TRIM69: variants seen among roughly 807,000 people sequenced by gnomAD.
TRIM69 encodes E3 ubiquitin-protein ligase TRIM69.
TRIM69 carries 29 observed loss-of-function variants against 37.7 expected under a neutral mutation model. The observed-to-expected ratio is 0.77, with a 90% confidence interval of 0.57 to 1.05. TRIM69 has a LOEUF of 1.05. TRIM69 is among the 50% of genes least tolerant of loss of function. The pLI is 0.00. For missense variants in TRIM69, 596 were observed against 579.9 expected (o/e 1.03, Z -0.28); for synonymous variants, 209 against 212.4 (o/e 0.98, Z 0.14).
intron 1 of TRIM69, among the ~76,000 whole-genome samples, chr15:44,739,232 A>T (rs1244583450): frequency 6.6e-6 from 1 of 152,194 alleles, no homozygotes; most frequent in Non-Finnish European, 1.5e-5. Flanking sequence ...TACTTTAAAA[A>T]CACACGGAGG....
intron 1 of TRIM69, among the ~76,000 whole-genome samples, chr15:44,752,338 A>C (rs2087552593): frequency 6.6e-6 from 1 of 152,020 alleles, no homozygotes; most frequent in Non-Finnish European, 1.5e-5. Flanking sequence ...TTCTTGATTG[A>C]TTGACCTTTA....
intron 1 of TRIM69, chr15:44,752,822 T>G (rs895816565): frequency 3.3e-5 from 5 of 152,138 alleles, no homozygotes; most frequent in African/African-American, 4.8e-5. Context: ...TTATAATTAG[T>G]CAACTTTATA....
In TRIM69 at chr15:44,754,884, C is replaced by T; in HGVS notation, c.7-16C>T. The T allele has an allele frequency of 6.4e-7, 1 of 1,555,344 alleles. No homozygotes were observed. The highest frequency in any genetic ancestry group is 1.1e-5 in the South Asian group (1 of 87,624). The stretch of plus-strand genomic sequence containing the variant: ...AACAAGAAAGATAAACTCATTTTAG[C>T]TGTTCTTTTCTAAAGGTATCCACCA... On this transcript the variant is annotated splice_polypyrimidine_tract_variant and intron_variant, in intron 1 of 6. Transcript: ENST00000329464.
Position 44,759,143 on chromosome 15 carries a change from A to G in TRIM69, c.813+289A>G, listed in dbSNP as rs574877263. On this transcript the variant is annotated intron_variant, in intron 4 of 6. Transcript: ENST00000329464. ...TTTTCCATAAAGAGCTTGATGCTTT[A>G]TTTCTCAAAAATAAAAATGTTGCAG... Among the ~76,000 whole-genome samples the G allele has an allele frequency of 1.4e-4, 21 of 152,294 alleles. No homozygotes were observed. The South Asian group carries it at 3.7e-3, about 27-fold the overall frequency.
chr15:44,763,492 T>A (rs1488476014), intron 6 of TRIM69, among the ~76,000 whole-genome samples: 1 of 152,198 alleles, frequency 6.6e-6, no homozygotes, highest in Non-Finnish European at 1.5e-5. Context: ...CTTCTATACT[T>A]GTATACTTTG....
chr15:44,758,422 G>C, intron 3 of TRIM69, 199 bp from the exon 4 acceptor site: 6 of 801,336 alleles, frequency 7.5e-6, no homozygotes, highest in Non-Finnish European at 1.1e-5. Context: ...ATTTCATCCT[G>C]AACTATTAAA....
intron 1 of TRIM69, among the ~76,000 whole-genome samples, chr15:44,750,224 G>A (rs186193028): frequency 1.3e-5 from 2 of 152,232 alleles, no homozygotes; most frequent in East Asian, 3.9e-4. Context: ...TGTTTTTTGT[G>A]ATGTCTTTAT....
At chr15:44,739,613 AG>A (rs1428216315) in intron 1 of TRIM69, among the ~76,000 whole-genome samples, 1 of 152,182 alleles carries the variant, frequency 6.6e-6, no homozygotes, top group African/African-American at 2.4e-5. Flanking sequence ...ACGCCCATGG[AG>A]TCTCGCTGAT....
chr15:44,744,970 G>C (rs908563527), intron 1 of TRIM69, among the ~76,000 whole-genome samples: 13 of 148,218 alleles, frequency 8.8e-5, no homozygotes, highest in Non-Finnish European at 1.5e-4. Flanking sequence ...AGAAAGAAAG[G>C]CTGGGGAAAG....
At chr15:44,739,945 C>T in intron 1 of TRIM69, among the ~76,000 whole-genome samples, 1 of 135,814 alleles carries the variant, frequency 7.4e-6, no homozygotes, top group Admixed American at 7.1e-5. Context: ...GGTCCCTGAC[C>T]CCTGACCCCC....
At position 44,755,923 on chromosome 15, in the gene TRIM69, G is replaced by A. The variant is rs139367884; in HGVS notation, c.484-445G>A. On this transcript the variant is annotated intron_variant, in intron 2 of 6. Transcript: ENST00000329464. ...AATGTTCCAAGTGAGAACAACACAA[G>A]TAAAATGATAGATGCTGAGAACAGT... Among the ~76,000 whole-genome samples the A allele has an allele frequency of 5.0e-3, 756 of 152,294 alleles. 4 individuals carry two copies. Among genetic ancestry groups the A allele is most frequent in the Middle Eastern group, 0.014 (4 of 294 alleles).
At chr15:44,742,583 T>C (rs75332794) in intron 1 of TRIM69, among the ~76,000 whole-genome samples, 438 of 18,008 alleles carry the variant, frequency 0.024, 33 homozygotes, top group Middle Eastern at 0.062. Flanking sequence ...TGTCTCAGCC[T>C]AAAATCTCCT....
Position 44,758,739 on chromosome 15 carries a change from A to G in TRIM69, c.698A>G (p.Asn233Ser). The change falls in exon 4 of 7, where the codon AAT becomes AGT. Residue 233 changes from asparagine (N) to serine (S), a missense_variant. Asn to Ser is a conservative substitution (Grantham distance 46). Coordinates refer to ENST00000329464, the MANE Select transcript of TRIM69 (RefSeq NM_182985.5). ...TELREEGKAL[N>S]EEMELNLSQL... ...CTCCGGGAAGAGGGGAAAGCCTTGA[A>G]TGAGGAGATGGAGTTGAATCTGAGC... 1 of 1,614,180 alleles carries G rather than the reference A, an allele frequency of 6.2e-7. No homozygotes were observed. The highest frequency in any genetic ancestry group is 8.5e-7 in the Non-Finnish European group (1 of 1,180,024).
At chr15:44,742,642 A>G (rs868235686) in intron 1 of TRIM69, among the ~76,000 whole-genome samples, 4,783 of 28,094 alleles carry the variant, frequency 0.17, 2,059 homozygotes, top group African/African-American at 0.31. Context: ...AAATCAATGT[A>G]CAAAAATCAC....
At chr15:44,763,239 G>A (rs1263285522) in intron 6 of TRIM69, among the ~76,000 whole-genome samples, 1 of 152,146 alleles carries the variant, frequency 6.6e-6, no homozygotes, top group Non-Finnish European at 1.5e-5. Flanking sequence ...GACTTAGATA[G>A]TTTTGAGGAG....
chr15:44,743,564 A>G (rs561671434), intron 1 of TRIM69, among the ~76,000 whole-genome samples: 12 of 152,320 alleles, frequency 7.9e-5, no homozygotes, highest in African/African-American at 2.9e-4. Context: ...CAACCTACTC[A>G]TCTGACAAAG....
At chr15:44,766,785 G>A (rs972028820) in intron 6 of TRIM69, among the ~76,000 whole-genome samples, 5 of 151,874 alleles carry the variant, frequency 3.3e-5, no homozygotes, top group East Asian at 1.9e-4. Context: ...GGCCAGGTGC[G>A]GTGGCTCATG....
intron 6 of TRIM69, among the ~76,000 whole-genome samples, chr15:44,762,310 T>A (rs1207748382): frequency 6.6e-6 from 1 of 152,174 alleles, no homozygotes; most frequent in Non-Finnish European, 1.5e-5. Context: ...CTTGCTTCCA[T>A]CAATTTGATT....
intron 6 of TRIM69, among the ~76,000 whole-genome samples, chr15:44,766,822 C>A (rs2087896828): frequency 6.6e-6 from 1 of 151,676 alleles, no homozygotes; most frequent in Non-Finnish European, 1.5e-5. Flanking sequence ...TTTGAGAGGC[C>A]TAGGCAGGTG....
Sources: gnomAD v4.1 joint callset for allele counts (sites outside exome capture counted in the v4.1 genomes callset) on GRCh38, gnomAD v4.1.1 for gene constraint, MANE v1.5 for transcripts, NCBI Gene and HGNC (gene_info 2026-07-23, HGNC 2026-07-21) for gene names.